SUN1: variants seen among roughly 807,000 people sequenced by gnomAD.
SUN1 encodes Sad1 and UNC84 domain containing 1.
Under a neutral mutation model 103.2 loss-of-function variants are expected in SUN1, and 61 were observed. That is an observed-to-expected ratio of 0.59 (90% CI 0.48 to 0.73). The LOEUF (loss-of-function observed/expected upper bound fraction) is 0.73, where lower values mean the gene tolerates loss of function less well. Among genes scored for constraint, SUN1 ranks in the 30% least tolerant of loss-of-function variants. SUN1 has a pLI of 0.00. For synonymous variants in SUN1, 490 were observed against 425.7 expected, an observed-to-expected ratio of 1.15 and a Z score of -1.86; for missense variants, 1,052 against 1,034.6, an observed-to-expected ratio of 1.02 and a Z score of -0.23.
chr7:861,347 G>A (rs555612713), intron 14 of SUN1, 33 bp from the exon 15 acceptor site: 11 of 1,612,410 alleles, frequency 6.8e-6, no homozygotes, highest in Admixed American at 5.0e-5. Context: ...TCCTGTTCTG[G>A]TGTTTGGTCT....
intron 1 of SUN1, among the ~76,000 whole-genome samples, chr7:836,255 G>T (rs925559325): frequency 6.6e-6 from 1 of 152,030 alleles, no homozygotes. Flanking sequence ...AGGAGGGAAG[G>T]AGGAACTCCA....
chr7:867,248 A>T (rs1013646124), intron 16 of SUN1, among the ~76,000 whole-genome samples: 1 of 152,138 alleles, frequency 6.6e-6, no homozygotes, highest in African/African-American at 2.4e-5. Flanking sequence ...GCCCCTCCTC[A>T]CTGCAGGCAG....
intron 1 of SUN1, among the ~76,000 whole-genome samples, chr7:838,246 A>G (rs1265210491): frequency 1.3e-5 from 2 of 152,158 alleles, no homozygotes; most frequent in Non-Finnish European, 2.9e-5. Flanking sequence ...CATTAGTTGA[A>G]TAATTATATG....
At chr7:830,271 C>T (rs113788792), upstream of SUN1, among the ~76,000 whole-genome samples, 602 of 152,282 alleles carry the variant, frequency 4.0e-3, 4 homozygotes, top group African/African-American at 0.013. Flanking sequence ...CGCTGCCTCG[C>T]AAGGTTCTGC....
At chr7:870,383 A>G (rs1382081393) in intron 17 of SUN1, among the ~76,000 whole-genome samples, 5 of 152,000 alleles carry the variant, frequency 3.3e-5, no homozygotes, top group Admixed American at 6.6e-5. Context: ...TGAGGTTAGG[A>G]GTTCGAGACC....
At chr7:866,967 A>G (rs1156532833) in intron 16 of SUN1, among the ~76,000 whole-genome samples, 1 of 152,090 alleles carries the variant, frequency 6.6e-6, no homozygotes, top group Non-Finnish European at 1.5e-5. Context: ...CCTGCCTCAT[A>G]TTCATGACAT....
upstream of SUN1, among the ~76,000 whole-genome samples, chr7:827,915 C>T (rs1030557166): frequency 4.0e-5 from 6 of 151,794 alleles, no homozygotes; most frequent in African/African-American, 1.2e-4. Flanking sequence ...TTTGTTTGTT[C>T]GTTTGTTTTT....
At chr7:849,890 C>T (rs770188672) in intron 5 of SUN1, 16 of 1,572,574 alleles carry the variant, frequency 1.0e-5, no homozygotes, top group Admixed American at 1.8e-5. Context: ...CTTGTGAATC[C>T]GCCACACTCA....
intron 1 of SUN1, among the ~76,000 whole-genome samples, chr7:820,543 T>C (rs1216394979): frequency 1.3e-5 from 2 of 152,246 alleles, no homozygotes; most frequent in Non-Finnish European, 2.9e-5. Context: ...GACATCTTCC[T>C]TTCCAATTAG....
At chr7:861,247 C>A in intron 14 of SUN1, 133 bp from the exon 15 acceptor site, 2 of 850,414 alleles carry the variant, frequency 2.4e-6, no homozygotes, top group Non-Finnish European at 1.9e-6. Flanking sequence ...TTCTGCCATG[C>A]CTAGGAACCC....
intron 17 of SUN1, among the ~76,000 whole-genome samples, chr7:870,805 C>T (rs1182706315): frequency 1.3e-5 from 2 of 151,862 alleles, no homozygotes; most frequent in South Asian, 2.1e-4. Flanking sequence ...TCACAGGTGG[C>T]GTCACGGTTT....
chr7:866,574 A>T, intron 16 of SUN1, among the ~76,000 whole-genome samples: 1 of 59,450 alleles, frequency 1.7e-5, no homozygotes, highest in African/African-American at 6.4e-5. Flanking sequence ...CTTCGCCCCC[A>T]CTGTCTCCCC....
chr7:861,500 G>A, intron 15 of SUN1, 36 bp downstream of exon 15: 1 of 1,608,416 alleles, frequency 6.2e-7, no homozygotes, highest in Non-Finnish European at 8.5e-7. Flanking sequence ...TAAGTTAGAT[G>A]ATCACCTGTT....
chr7:854,066 G>C (rs1027553035), intron 10 of SUN1, among the ~76,000 whole-genome samples: 2 of 152,202 alleles, frequency 1.3e-5, no homozygotes, highest in Non-Finnish European at 2.9e-5. Flanking sequence ...GGGATCGCGT[G>C]GGGGGACCCA....
chr7:866,492 C>A (rs1036053953), intron 16 of SUN1, among the ~76,000 whole-genome samples: 1 of 150,538 alleles, frequency 6.6e-6, no homozygotes, highest in Non-Finnish European at 1.5e-5. Flanking sequence ...CTTCACCCCC[C>A]CATCCCTCCG....
chr7:850,522 A>G (rs1249176855), intron 5 of SUN1: 4 of 157,558 alleles, frequency 2.5e-5, no homozygotes, highest in Non-Finnish European at 5.6e-5. Context: ...CCTGCTAATG[A>G]ATAAACATAA....
rs1209503410 is a variant in SUN1 at position 851,435 on chromosome 7, T to C, written c.710T>C (p.Val237Ala). 6.2e-7 allele frequency: 1 copy of C among 1,610,966 alleles called. No homozygotes were observed. The highest frequency in any genetic ancestry group is 1.3e-5 in the African/African-American group (1 of 75,020). The change falls in exon 6 of 19, where the codon GTG becomes GCG. Residue 237 changes from valine (V) to alanine (A), a missense_variant. Val to Ala is a moderately conservative substitution (Grantham distance 64, BLOSUM62 0). Transcript: ENST00000401592. ...LRRIGAVGQA[V>A]SRTAWSALWL... Reference sequence around the variant, plus strand: ...AGGATCGGAGCTGTGGGCCAGGCTGTGTCCAGGACGGCGTGGTCGGCCCTT... The same window carrying C: ...AGGATCGGAGCTGTGGGCCAGGCTGCGTCCAGGACGGCGTGGTCGGCCCTT...
In SUN1 at chr7:848,556, C is replaced by G. The variant is rs568121224; in HGVS notation, c.659-2828C>G. 7.4e-6 allele frequency: 10 copies of G among 1,358,628 alleles called. No individual in the cohort carries two copies. The African/African-American group carries it at 1.0e-4, about 14-fold the overall frequency. 84.2% of individuals were successfully genotyped at this position (1,358,628 alleles called of 1,614,324 possible). On this transcript the variant is annotated intron_variant, in intron 5 of 18. Coordinates refer to ENST00000401592, the MANE Select transcript of SUN1 (RefSeq NM_001130965.3). ...GAATCAGAAAATTACAAATTGAAAA[C>G]TCATGAATCAAAAGATTGTGAATCC... is the stretch of plus-strand genomic sequence containing the variant.
intron 1 of SUN1, among the ~76,000 whole-genome samples, chr7:827,097 C>T (rs1199763703): frequency 6.6e-6 from 1 of 152,142 alleles, no homozygotes; most frequent in Non-Finnish European, 1.5e-5. Flanking sequence ...TCTCAGCTCA[C>T]TGCAACCTCT....
Sources: gnomAD v4.1 joint callset for allele counts (sites outside exome capture counted in the v4.1 genomes callset) on GRCh38, gnomAD v4.1.1 for gene constraint, MANE v1.5 for transcripts, NCBI Gene and HGNC (gene_info 2026-07-23, HGNC 2026-07-21) for gene names.